WDR70: variants seen among roughly 807,000 people sequenced by gnomAD.
WDR70 encodes the protein WD repeat-containing protein 70.
WDR70 carries 53 observed loss-of-function variants against 88.6 expected under a neutral mutation model. The observed-to-expected ratio is 0.60, with a 90% CI of 0.48 to 0.75. WDR70 has a LOEUF of 0.75. Ranked by LOEUF, WDR70 falls within the 30% of genes least tolerant of loss-of-function variation. The pLI, the probability that WDR70 is intolerant of heterozygous loss-of-function variation, is 0.00. For missense variants in WDR70, 610 were observed against 823.2 expected (o/e 0.74, Z 3.17); for synonymous variants, 280 against 270.0 (o/e 1.04, Z -0.36).
At chr5:37,516,484 C>CT (rs771589706) in intron 8 of WDR70, 30 bp from the exon 9 acceptor site, 20 of 1,434,688 alleles carry the variant, frequency 1.4e-5, no homozygotes, top group Non-Finnish European at 1.9e-5. Context: ...TTTAAAACAT[C>CT]TTTTTTTCCC....
chr5:37,483,633 G>T (rs1739746946), intron 8 of WDR70, among the ~76,000 whole-genome samples: 1 of 152,298 alleles, frequency 6.6e-6, no homozygotes, highest in East Asian at 1.9e-4. Flanking sequence ...CCCAGACAGG[G>T]TGGTGGCCGG....
At chr5:37,568,986 A>G (rs1581401771) in intron 9 of WDR70, among the ~76,000 whole-genome samples, 2 of 152,228 alleles carry the variant, frequency 1.3e-5, no homozygotes, top group South Asian at 4.1e-4. Context: ...CCTGCTGGAT[A>G]TGTTCTCACC....
At chr5:37,461,762 C>T (rs1242227111) in intron 7 of WDR70, among the ~76,000 whole-genome samples, 6 of 152,102 alleles carry the variant, frequency 3.9e-5, no homozygotes, top group Non-Finnish European at 7.4e-5. Context: ...GGATTACAGG[C>T]GTGAGCCACT....
intron 10 of WDR70, among the ~76,000 whole-genome samples, chr5:37,639,677 C>T (rs1745056242): frequency 6.6e-6 from 1 of 151,974 alleles, no homozygotes; most frequent in Non-Finnish European, 1.5e-5. Context: ...ACTCTTTTGG[C>T]TTGATTTCTA....
intron 10 of WDR70, among the ~76,000 whole-genome samples, chr5:37,632,811 T>G (rs1744855018): frequency 6.6e-6 from 1 of 152,206 alleles, no homozygotes; most frequent in South Asian, 2.1e-4. Flanking sequence ...TGTACAATAG[T>G]GTACAGTAAT....
intron 9 of WDR70, among the ~76,000 whole-genome samples, chr5:37,595,423 A>G (rs1743674261): frequency 6.6e-6 from 1 of 152,190 alleles, no homozygotes; most frequent in African/African-American, 2.4e-5. Context: ...ACCATAATAC[A>G]TTTCTGAGAG....
At chr5:37,589,080 A>C (rs937830133) in intron 9 of WDR70, among the ~76,000 whole-genome samples, 22 of 151,842 alleles carry the variant, frequency 1.4e-4, no homozygotes, top group African/African-American at 4.1e-4. Flanking sequence ...ATTTTTTAAG[A>C]TAGTGTCTTG....
chr5:37,494,941 C>G (rs1347934954), intron 8 of WDR70, among the ~76,000 whole-genome samples: 2 of 152,220 alleles, frequency 1.3e-5, no homozygotes, highest in South Asian at 2.1e-4. Flanking sequence ...CAGCCACCAC[C>G]CTGTTTTTGT....
intron 8 of WDR70, among the ~76,000 whole-genome samples, chr5:37,513,975 G>A (rs1740801696): frequency 6.6e-6 from 1 of 151,968 alleles, no homozygotes; most frequent in Admixed American, 6.5e-5. Flanking sequence ...AGGTTATAAA[G>A]CCAGTAAAAG....
Position 37,675,174 on chromosome 5 carries a change from T to G in WDR70, c.1093-22481T>G, listed in dbSNP as rs778896649. On this transcript the variant is annotated intron_variant, in intron 10 of 17. Coordinates refer to ENST00000265107, the MANE Select transcript of WDR70 (RefSeq NM_018034.4). Reference sequence around the variant, plus strand: ...GTAGGTTGTGAAAATTTTCTCCCATTTTGTAGGTTGCCTGTTCACTCTGAT... The same window carrying G: ...GTAGGTTGTGAAAATTTTCTCCCATGTTGTAGGTTGCCTGTTCACTCTGAT... 1.4e-3 allele frequency among the ~76,000 whole-genome samples: 217 copies of G among 152,160 alleles called. 1 individual carries two copies. The highest frequency in any genetic ancestry group is 0.01 in the Middle Eastern group (3 of 294).
intron 17 of WDR70, among the ~76,000 whole-genome samples, chr5:37,735,378 T>C (rs556843066): frequency 6.6e-6 from 1 of 152,298 alleles, no homozygotes; most frequent in Non-Finnish European, 1.5e-5. Flanking sequence ...GGCATTGTCA[T>C]ATCCTCACTT....
At chr5:37,708,838 C>T (rs1384295726) in intron 13 of WDR70, among the ~76,000 whole-genome samples, 2 of 152,084 alleles carry the variant, frequency 1.3e-5, no homozygotes, top group East Asian at 1.9e-4. Flanking sequence ...TAGATATAGC[C>T]GATCTGGGAA....
At chr5:37,398,577 C>A (rs779504279) in intron 5 of WDR70, among the ~76,000 whole-genome samples, 2 of 152,134 alleles carry the variant, frequency 1.3e-5, no homozygotes, top group African/African-American at 4.8e-5. Flanking sequence ...CAATTTGCGT[C>A]TGTCTGTAGT....
chr5:37,650,495 C>CT (rs1745371970), intron 10 of WDR70, among the ~76,000 whole-genome samples: 1 of 152,052 alleles, frequency 6.6e-6, no homozygotes, highest in South Asian at 2.1e-4. Context: ...TGCTTAGTGA[C>CT]TGAGAAGAGT....
chr5:37,429,764 A>C (rs1750246979), intron 5 of WDR70, among the ~76,000 whole-genome samples: 1 of 152,234 alleles, frequency 6.6e-6, no homozygotes, highest in African/African-American at 2.4e-5. Flanking sequence ...ATAGCTCTAT[A>C]CATGAAATCA....
chr5:37,402,146 C>T (rs1228375984), intron 5 of WDR70, among the ~76,000 whole-genome samples: 2 of 152,238 alleles, frequency 1.3e-5, no homozygotes, highest in East Asian at 3.9e-4. Flanking sequence ...TTTATGAGAT[C>T]AGTTTATTTA....
chr5:37,706,716 T>TACACACAC (rs58482881), intron 13 of WDR70, among the ~76,000 whole-genome samples: 5,993 of 149,816 alleles, frequency 0.04, 334 homozygotes, highest in African/African-American at 0.12. Flanking sequence ...AACAGAGTAA[T>TACACACAC]ACACACACAC....
chr5:37,518,499 C>A (rs1279262457), intron 9 of WDR70, among the ~76,000 whole-genome samples: 1 of 152,080 alleles, frequency 6.6e-6, no homozygotes, highest in Non-Finnish European at 1.5e-5. Flanking sequence ...GTAATGATCT[C>A]CAGCTCCATT....
At chr5:37,460,703 TAAAAATA>T (rs1254082856) in intron 7 of WDR70, among the ~76,000 whole-genome samples, 29 of 141,788 alleles carry the variant, frequency 2.0e-4, no homozygotes, top group African/African-American at 7.1e-4. Flanking sequence ...AAAAAAACAT[TAAAAATA>T]AAAAATAAAA....
Sources: allele counts gnomAD v4.1 joint callset (sites outside exome capture counted in the v4.1 genomes callset), GRCh38; gene constraint gnomAD v4.1.1; transcripts MANE v1.5; gene names NCBI Gene and HGNC (gene_info 2026-07-23, HGNC 2026-07-21).